The following MDN1 variants were observed in gnomAD, a reference collection of about 807,000 sequenced individuals.
MDN1 encodes the protein midasin AAA ATPase 1, also known as midasin.
In MDN1, 266 loss-of-function variants were observed where a neutral mutation model predicts 669.2. That is an observed-to-expected ratio of 0.40 (90% CI 0.36 to 0.44). MDN1 has a LOEUF of 0.44. MDN1 is among the 20% of genes least tolerant of loss of function. The probability of loss-of-function intolerance (pLI) is 1.00; values close to 1 mark genes in which losing one functional copy is unlikely to be tolerated. For synonymous variants in MDN1, 2,385 were observed against 2,457.1 expected (o/e 0.97, Z 0.87); for missense variants, 5,940 against 6,754.0 (o/e 0.88, Z 4.22).
At chr6:89,670,157 TATA>T (rs1810580336) in intron 83 of MDN1, among the ~76,000 whole-genome samples, 2 of 23,894 alleles carry the variant, frequency 8.4e-5, no homozygotes, top group African/African-American at 2.4e-4. Context: ...TATATATATA[TATA>T]TATATATATA....
chr6:89,712,487 C>T, intron 48 of MDN1, 88 bp downstream of exon 48: 1 of 1,310,848 alleles, frequency 7.6e-7, no homozygotes, highest in South Asian at 1.2e-5. Context: ...ACAGAATGCT[C>T]CAGTTAAATA....
rs554139634 is a variant in MDN1, at chr6:89,689,963, G to C, written c.10930C>G (p.Leu3644Val). The C allele has an allele frequency of 1.2e-6, 2 of 1,614,248 alleles. No homozygotes were observed. Among genetic ancestry groups the C allele is most frequent in the African/African-American group, 1.3e-5 (1 of 75,074 alleles). Reference protein sequence around the residue: ...FARSLWYQQTLPPHEAKHYLS... With the variant: ...FARSLWYQQTVPPHEAKHYLS... ...TAATGCTTTGCTTCATGTGGCGGCA[G>C]AGTCTGTTGATACCAGAGGGATCGA... Residue 3644 changes from leucine (L) to valine (V), a missense_variant, in exon 65 of 102, where the codon CTG (leucine) becomes GTG (valine). Leu to Val is a conservative substitution (Grantham distance 32, BLOSUM62 1). Coordinates refer to ENST00000369393, the MANE Select transcript of MDN1 (RefSeq NM_014611.3).
intron 65 of MDN1, among the ~76,000 whole-genome samples, chr6:89,689,387 G>T (rs1310864443): frequency 6.6e-6 from 1 of 152,138 alleles, no homozygotes; most frequent in Non-Finnish European, 1.5e-5. Flanking sequence ...AAACAGAAAG[G>T]AAACTTAAAG....
At chr6:89,701,752 A>G (rs1366478574) in intron 54 of MDN1, 74 bp from the exon 55 acceptor site, 1 of 1,545,758 alleles carries the variant, frequency 6.5e-7, no homozygotes, top group East Asian at 2.3e-5. Flanking sequence ...AGCCATTAAT[A>G]TTTTCTTTCT....
At chr6:89,772,800 G>T in intron 13 of MDN1, 79 bp from the exon 14 acceptor site, 1 of 1,482,784 alleles carries the variant, frequency 6.7e-7, no homozygotes, top group Non-Finnish European at 9.2e-7. Context: ...ATATATTCCA[G>T]ATTCAACAAC....
rs1241257739 is a variant in MDN1 at position 89,672,328 on chromosome 6, T to C, written c.13666A>G (p.Lys4556Glu). The C allele has an allele frequency of 2.5e-6, 4 of 1,612,456 alleles. No individual in the cohort carries two copies. The Admixed American group carries it at 5.0e-5, about 20-fold the overall frequency. The stretch of plus-strand genomic sequence containing the variant: ...GCCCAGAAGTCATCCTCTAAGAGTT[T>C]TGTTAGATGTCCTGATTGCAGTCTC... Reference protein sequence around the residue: ...FERLQSGHLTKLLEDDFWADV... With the variant: ...FERLQSGHLTELLEDDFWADV... The change falls in exon 82 of 102, where the codon AAA (lysine) becomes GAA (glutamate). Residue 4556 changes from lysine to glutamate, a missense_variant. Lys to Glu is a moderately conservative substitution (Grantham distance 56). Coordinates refer to ENST00000369393, the MANE Select transcript of MDN1 (RefSeq NM_014611.3).
At chr6:89,683,055 G>T in intron 73 of MDN1, 77 bp downstream of exon 73, 7 of 1,412,642 alleles carry the variant, frequency 5.0e-6, no homozygotes, top group Non-Finnish European at 6.0e-6. Context: ...CTAGTACTGA[G>T]GCATGCCTTG....
rs1331165297 is a variant in MDN1 at position 89,751,560 on chromosome 6, C to A, written c.3098G>T (p.Gly1033Val). 9.3e-6 allele frequency: 15 copies of A among 1,613,924 alleles called. No individual in the cohort carries two copies. Among genetic ancestry groups the A allele is most frequent in the Non-Finnish European group, 1.7e-6 (2 of 1,179,996 alleles). ...LKQPIPEPKG[G>V]RLIQVEGYWI... ...GTAGCCTTCAACCTGGATAAGCCGACCTCCTTTTGGCTCTGGAATAGGCTG... is the reference window on the plus strand; with the variant it reads ...GTAGCCTTCAACCTGGATAAGCCGAACTCCTTTTGGCTCTGGAATAGGCTG... Residue 1033 changes from glycine (G) to valine (V), a missense_variant, in exon 23 of 102, where the codon GGT becomes GTT. Coordinates refer to ENST00000369393, the MANE Select transcript of MDN1 (RefSeq NM_014611.3).
intron 56 of MDN1, 133 bp from the exon 57 acceptor site, chr6:89,700,427 A>G (rs187410342): frequency 8.0e-5 from 63 of 788,314 alleles, no homozygotes; most frequent in Admixed American, 6.9e-4. Context: ...CTAAGCTTTG[A>G]GATTCTCATC....
Position 89,728,962 on chromosome 6 carries a change from G to A in MDN1, c.5318C>T (p.Thr1773Ile), listed in dbSNP as rs756345807. 20 of 1,613,964 alleles carry A rather than the reference G, an allele frequency of 1.2e-5. No homozygotes were observed. The South Asian group carries it at 2.1e-4, about 17-fold the overall frequency. Residue 1773 changes from threonine (T) to isoleucine (I), a missense_variant, in exon 36 of 102, where the codon ACC (threonine) becomes ATC (isoleucine). Physicochemically the swap from Thr to Ile is moderately conservative, Grantham distance 89. Around this residue, in one of 5 missense-constraint regions of MDN1, gnomAD observed 2,292 missense variants for 2,638.3 expected, o/e 0.87. Transcript: ENST00000369393. Reference protein sequence around the residue: ...VGALAKASGNTLVRINLSEQT... With the variant: ...VGALAKASGNILVRINLSEQT... Reference sequence around the variant, plus strand: ...CTCTGATAAGTTGATTCTAACAAGGGTATTTCCTGAAGCCTTTGCTAATGC... The same window carrying A: ...CTCTGATAAGTTGATTCTAACAAGGATATTTCCTGAAGCCTTTGCTAATGC...
chr6:89,655,726 C>A, intron 92 of MDN1, 38 bp downstream of exon 92: 1 of 1,547,378 alleles, frequency 6.5e-7, no homozygotes, highest in Non-Finnish European at 8.8e-7. Flanking sequence ...TCATAGAGAG[C>A]TCAGTGGGCA....
intron 29 of MDN1, among the ~76,000 whole-genome samples, chr6:89,744,769 G>C (rs1816501537): frequency 6.6e-6 from 1 of 151,902 alleles, no homozygotes; most frequent in African/African-American, 2.4e-5. Context: ...TGCAGTCCCA[G>C]CTACCTGGGA....
At chr6:89,730,046 A>T (rs1409032961) in intron 35 of MDN1, among the ~76,000 whole-genome samples, 1 of 152,228 alleles carries the variant, frequency 6.6e-6, no homozygotes, top group African/African-American at 2.4e-5. Flanking sequence ...AGGGACAAGA[A>T]ACAGATGACT....
In MDN1 at chr6:89,700,588, C is replaced by T. The variant is rs1215213974; in HGVS notation, c.8638+58G>A. The T allele has an allele frequency of 1.9e-6, 3 of 1,547,488 alleles. No homozygotes were observed. The African/African-American group carries it at 4.1e-5, about 21-fold the overall frequency. ...AATCTAAGGGAAAACTTATTAACTA[C>T]CAGCAAGAGGATATTTTCAGAGCAT... On this transcript the variant is annotated intron_variant, in intron 56 of 101. Coordinates refer to ENST00000369393, the MANE Select transcript of MDN1 (RefSeq NM_014611.3).
intron 11 of MDN1, among the ~76,000 whole-genome samples, chr6:89,777,734 T>G (rs1377747746): frequency 6.6e-6 from 1 of 152,084 alleles, no homozygotes; most frequent in African/African-American, 2.4e-5. Context: ...TTCCAGCAAC[T>G]AACTAACCCC....
At chr6:89,738,290 G>T in intron 33 of MDN1, 36 bp downstream of exon 33, 1 of 1,608,216 alleles carries the variant, frequency 6.2e-7, no homozygotes, top group South Asian at 1.1e-5. Flanking sequence ...ACCCTTCTAT[G>T]ACCCAATACT....
In MDN1 at chr6:89,730,789, T is replaced by C. The variant is rs779496839; in HGVS notation, c.5077A>G (p.Lys1693Glu). 24 of 1,614,122 alleles carry C rather than the reference T, an allele frequency of 1.5e-5. No homozygotes were observed. In the South Asian group the frequency reaches 2.4e-4, roughly 16 times the overall value. The change falls in exon 35 of 102, where the codon AAG becomes GAG. Residue 1693 changes from lysine to glutamate, a missense_variant. Coordinates refer to ENST00000369393, the MANE Select transcript of MDN1 (RefSeq NM_014611.3). ...TCTATTCCAGTGAATTCTTTGGCCT[T>C]CATTCTGTCATAAATCTTCAACTCA... ...KNELKIYDRM[K>E]AKEFTGIDNL...
chr6:89,785,725 C>A (rs1584368757), intron 8 of MDN1, among the ~76,000 whole-genome samples: 1 of 152,122 alleles, frequency 6.6e-6, no homozygotes, highest in East Asian at 1.9e-4. Flanking sequence ...CTGAAAATGG[C>A]AGAACTGAAA....
At chr6:89,663,787 A>T (rs1175839230) in intron 85 of MDN1, among the ~76,000 whole-genome samples, 1 of 151,876 alleles carries the variant, frequency 6.6e-6, no homozygotes, top group African/African-American at 2.4e-5. Context: ...ACAAAAAAAA[A>T]AAGAATCAGC....
Sources: allele counts gnomAD v4.1 joint callset (sites outside exome capture counted in the v4.1 genomes callset), GRCh38; gene constraint gnomAD v4.1.1; regional missense constraint gnomAD v4.1.1; transcripts MANE v1.5; gene names NCBI Gene and HGNC (gene_info 2026-07-23, HGNC 2026-07-21).